Variants in EXOC2 observed in about 807,000 individuals in gnomAD.
EXOC2 encodes exocyst complex component 2.
EXOC2 carries 70 observed loss-of-function variants against 131.8 expected under a neutral mutation model. That is an observed-to-expected ratio of 0.53 (90% CI 0.44 to 0.65). The LOEUF is 0.65. Ranked by LOEUF, EXOC2 falls within the 30% of genes least tolerant of loss-of-function variation. The probability of loss-of-function intolerance (pLI) is 0.00; values close to 1 mark genes in which losing one functional copy is unlikely to be tolerated. For synonymous variants in EXOC2, 411 were observed against 398.4 expected (o/e 1.03, Z -0.38); for missense variants, 923 against 1,108.6 (o/e 0.83, Z 2.38).
intron 13 of EXOC2, among the ~76,000 whole-genome samples, chr6:566,575 T>A (rs1757978578): frequency 6.6e-6 from 1 of 152,212 alleles, no homozygotes; most frequent in South Asian, 2.1e-4. Context: ...AAGACCAGAA[T>A]CAGAACGTGG....
At chr6:678,777 T>C (rs1764269444) in intron 1 of EXOC2, among the ~76,000 whole-genome samples, 1 of 152,138 alleles carries the variant, frequency 6.6e-6, no homozygotes, top group East Asian at 1.9e-4. Context: ...TTCCAAACAC[T>C]GATGATGGGC....
chr6:637,696 C>T lies in EXOC2; in HGVS notation c.118+5G>A. ...CAGGGTGCGTCGCAGGGCCTCTGCC[C>T]TTACCTATGAGGTCGGTGGGGCCAG... On this transcript the variant is annotated splice_donor_5th_base_variant and intron_variant, in intron 2 of 27. Transcript: ENST00000230449. 1.2e-6 allele frequency: 2 copies of T among 1,610,214 alleles called. No homozygotes were observed. Among genetic ancestry groups the T allele is most frequent in the Non-Finnish European group, 1.7e-6 (2 of 1,178,412 alleles).
chr6:687,521 A>C (rs1321111052), intron 1 of EXOC2, among the ~76,000 whole-genome samples: 3 of 152,180 alleles, frequency 2.0e-5, no homozygotes, highest in South Asian at 2.1e-4. Context: ...CTAGTCCGTC[A>C]AGATGATTTG....
chr6:506,870 G>C lies in EXOC2; in HGVS notation c.2381-7170C>G, dbSNP rs1282640855. On this transcript the variant is annotated intron_variant, in intron 23 of 27. Transcript: ENST00000230449. This position sits in a 1 kb window ranked among gnomAD's most constrained non-coding sequence, Gnocchi z 4.4. ...AGCAGCCTTCTTTCTTGGTATATTTGTCAGTTTCCTCTTTTAATCATATAG... is the reference window on the plus strand; with the variant it reads ...AGCAGCCTTCTTTCTTGGTATATTTCTCAGTTTCCTCTTTTAATCATATAG... 6.6e-6 allele frequency among the ~76,000 whole-genome samples: 1 copy of C among 152,052 alleles called. No homozygotes were observed. The highest frequency in any genetic ancestry group is 2.4e-5 in the African/African-American group (1 of 41,386).
chr6:490,901 C>T (rs1461689991), intron 26 of EXOC2, among the ~76,000 whole-genome samples: 1 of 152,178 alleles, frequency 6.6e-6, no homozygotes, highest in African/African-American at 2.4e-5. Context: ...GTATGTCATA[C>T]TCTGCTGTAT....
chr6:582,914 C>T (rs1408770221), intron 11 of EXOC2, among the ~76,000 whole-genome samples: 2 of 152,076 alleles, frequency 1.3e-5, no homozygotes, highest in Non-Finnish European at 2.9e-5. Flanking sequence ...GCATTTCGGA[C>T]GTGCATTTCA....
chr6:607,981 A>T (rs1455815464), intron 7 of EXOC2, among the ~76,000 whole-genome samples: 1 of 151,970 alleles, frequency 6.6e-6, no homozygotes, highest in Non-Finnish European at 1.5e-5. Flanking sequence ...TGCCCAATTT[A>T]AAAAAAAATC....
rs1763047614 is a variant in EXOC2, at chr6:486,389, G to A, written c.*282C>T. 1 of 285,508 alleles carries A rather than the reference G, an allele frequency of 3.5e-6. No individual in the cohort carries two copies. Among genetic ancestry groups the A allele is most frequent in the Admixed American group, 5.1e-5 (1 of 19,562 alleles). 17.7% of individuals were successfully genotyped at this position (285,508 alleles called of 1,614,324 possible). A position where few individuals can be genotyped will look rare whatever the true frequency, so the allele number is the denominator to read the frequency against. On this transcript the variant is annotated 3_prime_UTR_variant, in exon 28 of 28. Coordinates refer to ENST00000230449, the MANE Select transcript of EXOC2 (RefSeq NM_018303.6). ...ACTCCCTGCAGAAGCAGCTCTTCCTGCAGCACTCAACCTTCTGCTGAGATG... is the reference window on the plus strand; with the variant it reads ...ACTCCCTGCAGAAGCAGCTCTTCCTACAGCACTCAACCTTCTGCTGAGATG...
At chr6:662,606 A>G (rs1169232012) in intron 1 of EXOC2, among the ~76,000 whole-genome samples, 1 of 152,224 alleles carries the variant, frequency 6.6e-6, no homozygotes, top group Admixed American at 6.5e-5. Context: ...TTCAAACTGA[A>G]TGACAATAAT....
At chr6:634,227 G>A (rs1020511261) in intron 2 of EXOC2, among the ~76,000 whole-genome samples, 4 of 151,936 alleles carry the variant, frequency 2.6e-5, no homozygotes, top group African/African-American at 7.3e-5. Context: ...CACCACGCTC[G>A]GCTAGTTTTT....
Position 499,539 on chromosome 6 carries a change from T to C in EXOC2, c.2436+106A>G, listed in dbSNP as rs112523619. On this transcript the variant is annotated intron_variant, in intron 24 of 27. Coordinates refer to ENST00000230449, the MANE Select transcript of EXOC2 (RefSeq NM_018303.6). ...GTATCTTATTTATACCCAAGACACA[T>C]TCTGAGGGAAAAAAAAGACCACCAT... The C allele has an allele frequency of 2.9e-5, 26 of 882,752 alleles. 1 individual carries two copies. Among genetic ancestry groups the C allele is most frequent in the African/African-American group, 2.4e-4 (14 of 58,092 alleles). The allele number at this position is 882,752 out of a possible 1,614,324, so 54.7% of individuals were successfully genotyped here. A position where few individuals can be genotyped will look rare whatever the true frequency, so the allele number is the denominator to read the frequency against.
intron 25 of EXOC2, among the ~76,000 whole-genome samples, chr6:491,722 TGA>T (rs1375113593): frequency 6.6e-6 from 1 of 152,224 alleles, no homozygotes; most frequent in African/African-American, 2.4e-5. Flanking sequence ...ACTGGCAAGC[TGA>T]TTGTAAAATT....
intron 12 of EXOC2, among the ~76,000 whole-genome samples, chr6:574,772 G>A (rs1758485678): frequency 6.6e-6 from 1 of 152,232 alleles, no homozygotes; most frequent in Non-Finnish European, 1.5e-5. Context: ...TGCCTTCACA[G>A]CTTAGAATCT....
chr6:600,118 G>C (rs1760050063), intron 7 of EXOC2, among the ~76,000 whole-genome samples: 1 of 152,138 alleles, frequency 6.6e-6, no homozygotes, highest in Non-Finnish European at 1.5e-5. Context: ...GTCTCACTGG[G>C]TGGCTCGCAT....
chr6:676,331 ACAGG>A lies in EXOC2; in HGVS notation c.-44+16684_-44+16687del, dbSNP rs1461702383. Among the ~76,000 whole-genome samples, 137 of 50,058 alleles carry A rather than the reference ACAGG, an allele frequency of 2.7e-3. 58 individuals carry two copies. The highest frequency in any genetic ancestry group is 0.013 in the South Asian group (14 of 1,084). The allele number at this position is 50,058 out of a possible 152,430, so 32.8% of individuals were successfully genotyped here. On this transcript the variant is annotated intron_variant, in intron 1 of 27. Coordinates refer to ENST00000230449, the MANE Select transcript of EXOC2 (RefSeq NM_018303.6). ...CATACTCTTCAACATTACGGAAAGG[ACAGG>A]TTCCTCTGGTGACTCTGCGGTTCCC...
intron 25 of EXOC2, among the ~76,000 whole-genome samples, chr6:491,690 G>T: frequency 6.6e-6 from 1 of 152,008 alleles, no homozygotes; most frequent in East Asian, 1.9e-4. Context: ...AATCACAGCT[G>T]CTTTTTTTTT....
At chr6:521,347 T>C (rs572117181) in intron 23 of EXOC2, among the ~76,000 whole-genome samples, 53 of 150,742 alleles carry the variant, frequency 3.5e-4, no homozygotes, top group Non-Finnish European at 6.2e-4. Flanking sequence ...CGACAGTCAC[T>C]GTCCACACTC....
At chr6:550,485 C>T (rs1757086523) in intron 21 of EXOC2, among the ~76,000 whole-genome samples, 1 of 152,162 alleles carries the variant, frequency 6.6e-6, no homozygotes, top group African/African-American at 2.4e-5. Context: ...CATCAACAAA[C>T]ATAAGTAAAA....
Position 561,169 on chromosome 6 carries a change from T to C in EXOC2, c.1851+1615A>G, listed in dbSNP as rs1049761191. On this transcript the variant is annotated intron_variant, in intron 17 of 27. Coordinates refer to ENST00000230449, the MANE Select transcript of EXOC2 (RefSeq NM_018303.6). ...TTATATATAAAGTAAGGTACAATGA[T>C]ATATTAACTTAAGATAGGACCTTGA... 5.9e-5 allele frequency among the ~76,000 whole-genome samples: 9 copies of C among 152,276 alleles called. No homozygotes were observed. The South Asian group carries it at 1.7e-3, about 28-fold the overall frequency.
Sources: gnomAD v4.1 joint callset for allele counts (sites outside exome capture counted in the v4.1 genomes callset) on GRCh38, gnomAD v4.1.1 for gene constraint, Gnocchi (gnomAD v3.1) non-coding constraint, MANE v1.5 for transcripts, NCBI Gene and HGNC (gene_info 2026-07-23, HGNC 2026-07-21) for gene names.